COL14A1: variants seen among roughly 807,000 people sequenced by gnomAD.
COL14A1 encodes the protein collagen type XIV alpha 1 chain.
In COL14A1, 136 loss-of-function variants were observed where a neutral mutation model predicts 230.3. The observed-to-expected ratio is 0.59, with a 90% CI of 0.51 to 0.68. The LOEUF is 0.68. Ranked by LOEUF, COL14A1 falls within the 30% of genes least tolerant of loss-of-function variation. The pLI is 0.00. For missense variants in COL14A1, 1,976 were observed against 2,215.8 expected (o/e 0.89, Z 2.17); for synonymous variants, 792 against 784.1 (o/e 1.01, Z -0.17).
At chr8:120,298,611 A>ATATATATATG (rs2130012643) in intron 35 of COL14A1, among the ~76,000 whole-genome samples, 1 of 72,084 alleles carries the variant, frequency 1.4e-5, no homozygotes, top group South Asian at 4.2e-4. Flanking sequence ...ATATATATAT[A>ATATATATATG]TATATATATA....
chr8:120,331,026 A>T (rs2130203467), intron 40 of COL14A1, among the ~76,000 whole-genome samples: 1 of 149,848 alleles, frequency 6.7e-6, no homozygotes, highest in Non-Finnish European at 1.5e-5. Flanking sequence ...AATTGCTTGA[A>T]CCTGGGAGGG....
chr8:120,231,731 A>G, intron 19 of COL14A1, 113 bp downstream of exon 19: 1 of 1,121,174 alleles, frequency 8.9e-7, no homozygotes, highest in Non-Finnish European at 1.2e-6. Flanking sequence ...TGACTCTGCC[A>G]TCTCCAGAAA....
intron 23 of COL14A1, among the ~76,000 whole-genome samples, chr8:120,261,021 G>A (rs982324067): frequency 6.6e-6 from 1 of 152,196 alleles, no homozygotes; most frequent in Non-Finnish European, 1.5e-5. Context: ...GAAGGAGTAA[G>A]TTTTAGTGTT....
intron 25 of COL14A1, among the ~76,000 whole-genome samples, chr8:120,268,911 C>T (rs1586818948): frequency 1.3e-5 from 2 of 151,670 alleles, no homozygotes; most frequent in East Asian, 3.9e-4. Flanking sequence ...TCATAATTAG[C>T]AGATCTTGTT....
At chr8:120,278,024 T>G in intron 26 of COL14A1, 87 bp from the exon 27 acceptor site, 1 of 1,216,874 alleles carries the variant, frequency 8.2e-7, no homozygotes, top group Non-Finnish European at 1.1e-6. Flanking sequence ...ATGAAGAAAT[T>G]AAAACTACAG....
At chr8:120,140,224 T>C (rs1401331261) in intron 1 of COL14A1, among the ~76,000 whole-genome samples, 1 of 152,222 alleles carries the variant, frequency 6.6e-6, no homozygotes, top group African/African-American at 2.4e-5. Context: ...GTGCTACCTT[T>C]CTGTTCTGTT....
chr8:120,368,688 C>T (rs1463610167), intron 46 of COL14A1, among the ~76,000 whole-genome samples: 1 of 150,896 alleles, frequency 6.6e-6, no homozygotes, highest in Non-Finnish European at 1.5e-5. Context: ...AGTCTGAATT[C>T]TCAATTAATG....
chr8:120,264,628 G>T (rs2129781071), intron 24 of COL14A1, among the ~76,000 whole-genome samples: 1 of 152,122 alleles, frequency 6.6e-6, no homozygotes, highest in Middle Eastern at 3.4e-3. Context: ...TAAACTAAAG[G>T]CTAGATCTCA....
intron 18 of COL14A1, among the ~76,000 whole-genome samples, chr8:120,230,794 T>C (rs1210506500): frequency 6.6e-6 from 1 of 151,884 alleles, no homozygotes; most frequent in Non-Finnish European, 1.5e-5. Context: ...GAAAGGAGAA[T>C]GAGAAAAGAT....
chr8:120,272,237 AC>A (rs1819689213), intron 26 of COL14A1, among the ~76,000 whole-genome samples: 1 of 151,802 alleles, frequency 6.6e-6, no homozygotes, highest in Non-Finnish European at 1.5e-5. Context: ...TTTCAGGCAA[AC>A]AAATGGTGAG....
At chr8:120,143,029 A>G (rs1814963739) in intron 1 of COL14A1, among the ~76,000 whole-genome samples, 1 of 152,204 alleles carries the variant, frequency 6.6e-6, no homozygotes, top group Non-Finnish European at 1.5e-5. Flanking sequence ...TTGCACTTAA[A>G]GCTACTACCT....
At chr8:120,276,910 A>C (rs1819872252) in intron 26 of COL14A1, among the ~76,000 whole-genome samples, 1 of 152,072 alleles carries the variant, frequency 6.6e-6, no homozygotes, top group Admixed American at 6.6e-5. Context: ...TGTCAGAAAG[A>C]AGCAAGTTCC....
intron 22 of COL14A1, among the ~76,000 whole-genome samples, chr8:120,251,846 A>C (rs1458269445): frequency 2.0e-5 from 3 of 152,064 alleles, no homozygotes. Flanking sequence ...TCTACCTTAA[A>C]TTACTGCTTT....
At chr8:120,228,913 T>G (rs950511673) in intron 18 of COL14A1, 144 bp downstream of exon 18, 17 of 658,454 alleles carry the variant, frequency 2.6e-5, no homozygotes, top group Non-Finnish European at 4.4e-5. Context: ...ATTTCACGCC[T>G]CTCAGAGCCT....
At chr8:120,151,099 T>C (rs976055125) in intron 2 of COL14A1, among the ~76,000 whole-genome samples, 13 of 152,134 alleles carry the variant, frequency 8.5e-5, no homozygotes, top group Non-Finnish European at 5.9e-5. Flanking sequence ...GGCTGCACGC[T>C]GGGGGAAACC....
intron 14 of COL14A1, among the ~76,000 whole-genome samples, chr8:120,220,871 TGAC>T (rs971909808): frequency 2.0e-5 from 3 of 152,146 alleles, no homozygotes; most frequent in Non-Finnish European, 2.9e-5. Context: ...ATGATGATGA[TGAC>T]AACGATGATA....
At chr8:120,188,723 C>T (rs1340354339) in intron 5 of COL14A1, among the ~76,000 whole-genome samples, 2 of 152,182 alleles carry the variant, frequency 1.3e-5, no homozygotes, top group Admixed American at 6.5e-5. Context: ...TTTCCTCTGT[C>T]CCTTTGCTTT....
At chr8:120,204,106 A>G (rs998735334) in intron 9 of COL14A1, among the ~76,000 whole-genome samples, 1 of 152,222 alleles carries the variant, frequency 6.6e-6, no homozygotes, top group Admixed American at 6.5e-5. Context: ...ACATTTATTT[A>G]AAACTTAAAC....
intron 36 of COL14A1, among the ~76,000 whole-genome samples, chr8:120,301,060 C>T (rs575077750): frequency 5.8e-4 from 89 of 152,228 alleles, no homozygotes; most frequent in Non-Finnish European, 9.6e-4. Flanking sequence ...CTGTGTCATA[C>T]GATGTCTCAT....
Sources: allele counts gnomAD v4.1 joint callset (sites outside exome capture counted in the v4.1 genomes callset), GRCh38; gene constraint gnomAD v4.1.1; transcripts MANE v1.5; gene names NCBI Gene and HGNC (gene_info 2026-07-23, HGNC 2026-07-21).